NAE1: variants seen among roughly 807,000 people sequenced by gnomAD.
NAE1 encodes the protein NEDD8 activating enzyme E1 subunit 1.
Under a neutral mutation model 88.0 loss-of-function variants are expected in NAE1, and 59 were observed. The observed-to-expected ratio is 0.67, with a 90% CI of 0.54 to 0.83. The LOEUF (loss-of-function observed/expected upper bound fraction) is 0.83. NAE1 is among the 40% of genes least tolerant of loss of function. The pLI is 0.00. For missense variants in NAE1, 554 were observed against 632.8 expected (o/e 0.88, Z 1.34); for synonymous variants, 186 against 208.9 (o/e 0.89, Z 0.95).
intron 5 of NAE1, 38 bp from the exon 6 acceptor site, chr16:66,823,344 A>C (rs11860811): frequency 6.7e-7 from 1 of 1,502,622 alleles, no homozygotes. Context: ...AACAAAAAAA[A>C]CCAATTTCAC....
chr16:66,812,943 C>T (rs1468238526), intron 13 of NAE1, among the ~76,000 whole-genome samples: 2 of 151,926 alleles, frequency 1.3e-5, no homozygotes, highest in East Asian at 3.9e-4. Context: ...CTGCCTCAGC[C>T]TCCCGGGTAG....
intron 19 of NAE1, among the ~76,000 whole-genome samples, chr16:66,803,906 T>G (rs879451872): frequency 2.7e-4 from 41 of 152,024 alleles, no homozygotes; most frequent in South Asian, 1.0e-3. Context: ...TGGATAGAAT[T>G]TGAGACTACT....
At chr16:66,823,414 C>T (rs1007627975) in intron 5 of NAE1, 108 bp from the exon 6 acceptor site, 2 of 1,275,746 alleles carry the variant, frequency 1.6e-6, no homozygotes, top group African/African-American at 3.0e-5. Context: ...GGCAACAATT[C>T]CAATTCAACT....
At chr16:66,824,789 T>C in intron 4 of NAE1, 66 bp downstream of exon 4, 1 of 1,404,776 alleles carries the variant, frequency 7.1e-7, no homozygotes. Context: ...TCAAAGCTTT[T>C]CAAGCAATCA....
chr16:66,818,731 G>A, intron 7 of NAE1, 94 bp from the exon 8 acceptor site: 2 of 1,424,710 alleles, frequency 1.4e-6, no homozygotes, highest in East Asian at 5.2e-5. Context: ...CTGAAGTACA[G>A]TGGCACAATC....
intron 15 of NAE1, among the ~76,000 whole-genome samples, chr16:66,809,530 T>C (rs363171): frequency 0.31 from 47,252 of 152,006 alleles, 8,626 homozygotes; most frequent in East Asian, 0.6. Flanking sequence ...CTTTGTATTA[T>C]TGAAATTTTC....
intron 8 of NAE1, among the ~76,000 whole-genome samples, chr16:66,817,915 G>C (rs1960110587): frequency 1.3e-5 from 2 of 152,142 alleles, no homozygotes; most frequent in African/African-American, 4.8e-5. Context: ...AGTCCATAAA[G>C]AGAACTTCTT....
intron 3 of NAE1, among the ~76,000 whole-genome samples, chr16:66,825,452 A>C (rs746987738): frequency 5.2e-4 from 79 of 152,114 alleles, no homozygotes; most frequent in Non-Finnish European, 1.1e-3. Flanking sequence ...GTCTCAAAAA[A>C]AAAAAAAAAA....
intron 3 of NAE1, among the ~76,000 whole-genome samples, chr16:66,825,661 G>C (rs1960438103): frequency 2.6e-5 from 4 of 151,912 alleles, no homozygotes; most frequent in Admixed American, 2.6e-4. Context: ...ACCACTCTCG[G>C]TGTATTGAAC....
intron 3 of NAE1, among the ~76,000 whole-genome samples, chr16:66,825,802 T>A (rs552403613): frequency 7.9e-5 from 12 of 152,316 alleles, no homozygotes; most frequent in African/African-American, 2.9e-4. Context: ...ATAAGCTCAC[T>A]GGCTCCATAA....
intron 5 of NAE1, 67 bp downstream of exon 5, chr16:66,823,462 C>A: frequency 6.9e-7 from 1 of 1,455,356 alleles, no homozygotes; most frequent in East Asian, 2.3e-5. Context: ...TTCTAAATTT[C>A]TGGGGCTTTG....
intron 13 of NAE1, 97 bp from the exon 14 acceptor site, chr16:66,810,869 A>C: frequency 2.0e-6 from 2 of 1,023,152 alleles, no homozygotes; most frequent in East Asian, 2.4e-5. Flanking sequence ...TTCATGAAAA[A>C]ACACAGGTCT....
rs75885472 is a variant in NAE1 at position 66,824,076 on chromosome 16, T to C, written c.250-476A>G. Among the ~76,000 whole-genome samples the C allele has an allele frequency of 5.4e-3, 821 of 152,242 alleles. 5 individuals carry two copies. Among genetic ancestry groups the C allele is most frequent in the Non-Finnish European group, 9.3e-3 (635 of 68,020 alleles). On this transcript the variant is annotated intron_variant, in intron 4 of 19. Transcript: ENST00000290810. ...TAGTGTTTAAGACTCAACAGAATAT[T>C]ACTTAAAACAGAGCAAAACCATCAT... is the stretch of plus-strand genomic sequence containing the variant.
chr16:66,809,234 A>G (rs556739259), intron 15 of NAE1, among the ~76,000 whole-genome samples, 159 bp from the exon 16 acceptor site: 3 of 152,360 alleles, frequency 2.0e-5, no homozygotes, highest in Admixed American at 1.3e-4. Context: ...AGAAAGCACT[A>G]GAACATGAAT....
chr16:66,807,829 G>C (rs1214149185), intron 17 of NAE1, among the ~76,000 whole-genome samples: 1 of 151,990 alleles, frequency 6.6e-6, no homozygotes, highest in Non-Finnish European at 1.5e-5. Context: ...GACTACATTT[G>C]CTGAAGATAA....
rs749978626 is a variant in NAE1 at position 66,824,882 on chromosome 16, G to A, written c.222C>T (p.Phe74=). The A allele has an allele frequency of 1.2e-6, 2 of 1,607,622 alleles. No homozygotes were observed. Among genetic ancestry groups the A allele is most frequent in the Non-Finnish European group, 8.5e-7 (1 of 1,176,694 alleles). Reference sequence around the variant, plus strand: ...TGCCGATACTGCTTCTTTGAAGGAAGAAACTAAAGTGAACAGAATAAAGGA... The same window carrying A: ...TGCCGATACTGCTTCTTTGAAGGAAAAAACTAAAGTGAACAGAATAAAGGA... ...QVSGEDAGNN[F]FLQRSSIGKN... is the part of the protein sequence containing the mutation. Residue 74 remains phenylalanine, a synonymous_variant, in exon 4 of 20, where the codon TTC becomes TTT. Transcript: ENST00000290810.
chr16:66,811,040 T>C (rs190267094), intron 13 of NAE1, among the ~76,000 whole-genome samples: 2 of 152,354 alleles, frequency 1.3e-5, no homozygotes, highest in African/African-American at 2.4e-5. Flanking sequence ...GAGGGATCTA[T>C]GATTTCGGCT....
chr16:66,830,934 C>T lies in NAE1; in HGVS notation c.-35G>A, dbSNP rs1057300679. ...TGCCGCGCGGAAAACAGCCGAGCCC[C>T]TGCGGAGCGCCGCCACCAGCTCCAC... On this transcript the variant is annotated 5_prime_UTR_variant, in exon 1 of 20. Coordinates refer to ENST00000290810, the MANE Select transcript of NAE1 (RefSeq NM_003905.4). The T allele has an allele frequency of 1.3e-6, 2 of 1,499,662 alleles. No homozygotes were observed. The highest frequency in any genetic ancestry group is 1.5e-5 in the African/African-American group (1 of 68,610). 92.9% of individuals were successfully genotyped at this position (1,499,662 alleles called of 1,614,324 possible).
chr16:66,814,375 G>A (rs1959946618), intron 11 of NAE1, among the ~76,000 whole-genome samples: 1 of 152,050 alleles, frequency 6.6e-6, no homozygotes, highest in Admixed American at 6.6e-5. Flanking sequence ...AGGGTCATTT[G>A]AGCCCAGGAG....
Sources: allele counts gnomAD v4.1 joint callset (sites outside exome capture counted in the v4.1 genomes callset), GRCh38; gene constraint gnomAD v4.1.1; transcripts MANE v1.5; gene names NCBI Gene and HGNC (gene_info 2026-07-23, HGNC 2026-07-21).